NCAM1: variants seen among roughly 807,000 people sequenced by gnomAD.
The protein encoded by NCAM1 is neural cell adhesion molecule 1.
Under a neutral mutation model 109.8 loss-of-function variants are expected in NCAM1, and 14 were observed. That is an observed-to-expected ratio of 0.13 (90% CI 0.08 to 0.20). NCAM1 has a LOEUF of 0.20. Among genes scored for constraint, NCAM1 ranks in the 10% least tolerant of loss-of-function variants. NCAM1 has a pLI of 1.00. For synonymous variants in NCAM1, 418 were observed against 442.9 expected (o/e 0.94, Z 0.70); for missense variants, 774 against 1,109.9 (o/e 0.70, Z 4.30).
chr11:113,232,820 T>C lies in NCAM1; in HGVS notation c.1522+6T>C, dbSNP rs1203335662. On this transcript the variant is annotated splice_donor_region_variant and intron_variant, in intron 12 of 19. Coordinates refer to ENST00000316851, the MANE Select transcript of NCAM1 (RefSeq NM_181351.5). ...ATTCATCCTTGTTCAAGCAGGTGAG[T>C]GTCCCTTACTCACCTGAGAGCAGCT... 6.8e-6 allele frequency: 11 copies of C among 1,610,388 alleles called. No homozygotes were observed. Among genetic ancestry groups the C allele is most frequent in the Non-Finnish European group, 9.3e-6 (11 of 1,177,054 alleles).
In NCAM1 at chr11:113,180,597, C is replaced by T. The variant is rs564712780; in HGVS notation, c.53-21782C>T. 1.8e-4 allele frequency among the ~76,000 whole-genome samples: 28 copies of T among 152,330 alleles called. 1 individual carries two copies. The highest frequency in any genetic ancestry group is 6.5e-4 in the African/African-American group (27 of 41,570). On this transcript the variant is annotated intron_variant, in intron 1 of 19. Coordinates refer to ENST00000316851, the MANE Select transcript of NCAM1 (RefSeq NM_181351.5). ...AATCTCTGTGTGATGTGCAGGAGGC[C>T]GTCTTCCTGTAGCACTAAGTTTTTC...
At chr11:113,236,918 C>T (rs1301527011) in intron 14 of NCAM1, among the ~76,000 whole-genome samples, 6 of 152,192 alleles carry the variant, frequency 3.9e-5, no homozygotes, top group Admixed American at 3.9e-4. Flanking sequence ...TGGTTCCGAG[C>T]CATGGGCATG....
intron 1 of NCAM1, among the ~76,000 whole-genome samples, chr11:112,995,506 G>C (rs1951569012): frequency 6.6e-6 from 1 of 152,172 alleles, no homozygotes; most frequent in South Asian, 2.1e-4. Context: ...ACACTATAAA[G>C]TGCTATGGAC....
intron 1 of NCAM1, among the ~76,000 whole-genome samples, chr11:113,128,181 G>T (rs891660691): frequency 1.3e-5 from 2 of 152,094 alleles, no homozygotes; most frequent in Non-Finnish European, 2.9e-5. Flanking sequence ...GCTCAGCATC[G>T]CCCATTTGCT....
Position 113,233,174 on chromosome 11 carries a change from A to G in NCAM1, c.1550A>G (p.Gln517Arg), listed in dbSNP as rs1945061640. The G allele has an allele frequency of 2.5e-6, 4 of 1,613,624 alleles. No individual in the cohort carries two copies. Among genetic ancestry groups the G allele is most frequent in the Non-Finnish European group, 1.7e-6 (2 of 1,179,842 alleles). Residue 517 changes from glutamine (Q) to arginine (R), a missense_variant, in exon 13 of 20, where the codon CAG (glutamine) becomes CGG (arginine). Around this residue, in one of 4 missense-constraint regions of NCAM1, gnomAD observed 523 missense variants for 784.2 expected, o/e 0.67. Coordinates refer to ENST00000316851, the MANE Select transcript of NCAM1 (RefSeq NM_181351.5). This position sits in a 1 kb window ranked among gnomAD's most constrained non-coding sequence, Gnocchi z 4.5. ...ACCCCCTCTTCACCATCCATCGACC[A>G]GGTGGAGCCATACTCCAGCACAGCC... is the stretch of plus-strand genomic sequence containing the variant. Reference protein sequence around the residue: ...ADTPSSPSIDQVEPYSSTAQV... With the variant: ...ADTPSSPSIDRVEPYSSTAQV...
At chr11:113,012,038 T>C (rs1386193661) in intron 1 of NCAM1, among the ~76,000 whole-genome samples, 1 of 151,048 alleles carries the variant, frequency 6.6e-6, no homozygotes, top group Non-Finnish European at 1.5e-5. Context: ...TTTTTTTTGG[T>C]GTGTGACAGA....
rs782579837 is a variant in NCAM1 at position 113,206,039 on chromosome 11, C to T, written c.491-4C>T. On this transcript the variant is annotated splice_region_variant and splice_polypyrimidine_tract_variant and intron_variant, in intron 4 of 19. Coordinates refer to ENST00000316851, the MANE Select transcript of NCAM1 (RefSeq NM_181351.5). ...TGGATGAACCTGCCTCTTATCTCTT[C>T]TAGTCCGATTCATAGTCCTGTCCAA... The T allele has an allele frequency of 1.9e-6, 3 of 1,614,000 alleles. No individual in the cohort carries two copies. The highest frequency in any genetic ancestry group is 2.2e-5 in the South Asian group (2 of 91,082).
chr11:113,204,189 T>C (rs781981816), intron 2 of NCAM1, 97 bp from the exon 3 acceptor site: 22 of 991,930 alleles, frequency 2.2e-5, no homozygotes, highest in Non-Finnish European at 3.3e-5. Context: ...ACTGATCTGT[T>C]GTTCAGTAAC....
intron 15 of NCAM1, among the ~76,000 whole-genome samples, chr11:113,252,595 A>C (rs556788701): frequency 2.0e-5 from 3 of 152,162 alleles, no homozygotes; most frequent in African/African-American, 7.2e-5. Flanking sequence ...CATCTGTTGA[A>C]TAAATCGTAG....
At chr11:113,205,064 C>T (rs1435544918) in intron 3 of NCAM1, among the ~76,000 whole-genome samples, 1 of 152,060 alleles carries the variant, frequency 6.6e-6, no homozygotes, top group East Asian at 1.9e-4. Flanking sequence ...GTGCTTTTTT[C>T]CTGTTCTTTT....
chr11:113,248,248 C>T (rs555306871), intron 15 of NCAM1, among the ~76,000 whole-genome samples: 7 of 131,646 alleles, frequency 5.3e-5, no homozygotes, highest in Non-Finnish European at 8.3e-5. Context: ...AAAAAAAAAT[C>T]GCTGACAGCC....
intron 1 of NCAM1, among the ~76,000 whole-genome samples, chr11:113,166,199 TC>T (rs1942791868): frequency 6.6e-6 from 1 of 151,956 alleles, no homozygotes; most frequent in Non-Finnish European, 1.5e-5. Context: ...GTGATAATGA[TC>T]AGAAAAATAG....
Position 113,120,201 on chromosome 11 carries a change from G to A in NCAM1, c.53-82178G>A, listed in dbSNP as rs372310429. Among the ~76,000 whole-genome samples, 9 of 152,268 alleles carry A rather than the reference G, an allele frequency of 5.9e-5. No individual in the cohort carries two copies. In the East Asian group the frequency reaches 1.4e-3, roughly 23 times the overall value. On this transcript the variant is annotated intron_variant, in intron 1 of 19. Coordinates refer to ENST00000316851, the MANE Select transcript of NCAM1 (RefSeq NM_181351.5). The stretch of plus-strand genomic sequence containing the variant: ...GGTTTTAAGCTATGCTGGCACTTTT[G>A]TTTTGTTTAAGAATTGGTAGTGTTA...
intron 1 of NCAM1, among the ~76,000 whole-genome samples, chr11:113,056,026 A>ATAT (rs1953700739): frequency 8.3e-6 from 1 of 120,616 alleles, no homozygotes; most frequent in Non-Finnish European, 1.8e-5. Context: ...TATATATATA[A>ATAT]AATATATATA....
At chr11:113,039,128 T>G (rs1952990772) in intron 1 of NCAM1, among the ~76,000 whole-genome samples, 1 of 152,136 alleles carries the variant, frequency 6.6e-6, no homozygotes, top group Non-Finnish European at 1.5e-5. Flanking sequence ...TTAAGTGAGG[T>G]CAATGTTAAG....
At chr11:113,250,019 C>T (rs2137499958) in intron 15 of NCAM1, among the ~76,000 whole-genome samples, 1 of 152,260 alleles carries the variant, frequency 6.6e-6, no homozygotes, top group Non-Finnish European at 1.5e-5. Flanking sequence ...ATTGTGTATC[C>T]CGAGGCTCCC....
chr11:113,272,483 T>TC (rs1555125664), intron 19 of NCAM1, among the ~76,000 whole-genome samples: 4 of 152,132 alleles, frequency 2.6e-5, no homozygotes, highest in African/African-American at 9.7e-5. Flanking sequence ...TCGTGACTTT[T>TC]CCCATCGGTG....
chr11:112,982,780 A>AT (rs1565363537), intron 1 of NCAM1, among the ~76,000 whole-genome samples: 1 of 151,754 alleles, frequency 6.6e-6, no homozygotes, highest in Admixed American at 6.6e-5. Context: ...GGGACTTTTA[A>AT]TTTTTTAAAA....
At chr11:113,055,135 A>C (rs1040467603) in intron 1 of NCAM1, among the ~76,000 whole-genome samples, 8 of 152,132 alleles carry the variant, frequency 5.3e-5, no homozygotes, top group Admixed American at 5.2e-4. Flanking sequence ...ATTTCCATAA[A>C]TTTTGCTTTC....
Sources: gnomAD v4.1 joint callset for allele counts (sites outside exome capture counted in the v4.1 genomes callset) on GRCh38, gnomAD v4.1.1 for gene constraint, gnomAD v4.1.1 regional missense constraint, Gnocchi (gnomAD v3.1) non-coding constraint, MANE v1.5 for transcripts, NCBI Gene and HGNC (gene_info 2026-07-23, HGNC 2026-07-21) for gene names.